Variants in TIAM1 observed in about 807,000 individuals in gnomAD.
TIAM1 encodes the protein TIAM Rac1 associated GEF 1, also known as rho guanine nucleotide exchange factor TIAM1.
Under a neutral mutation model 163.5 loss-of-function variants are expected in TIAM1, and 65 were observed. The observed-to-expected ratio is 0.40, with a 90% CI of 0.33 to 0.49. TIAM1 has a LOEUF of 0.49. TIAM1 is among the 20% of genes least tolerant of loss of function. The pLI, the probability that TIAM1 is intolerant of heterozygous loss-of-function variation, is 0.77. For missense variants in TIAM1, 1,789 were observed against 2,044.7 expected (o/e 0.87, Z 2.41); for synonymous variants, 833 against 810.1 (o/e 1.03, Z -0.48).
Position 31,141,890 on chromosome 21 carries a change from T to C in TIAM1, c.3476-386A>G, listed in dbSNP as rs77794820. Among the ~76,000 whole-genome samples, 16,310 of 152,180 alleles carry C rather than the reference T, an allele frequency of 0.11. 1,011 individuals carry two copies. The highest frequency in any genetic ancestry group is 0.15 in the Non-Finnish European group (10,288 of 67,990). On this transcript the variant is annotated intron_variant, in intron 20 of 27. Coordinates refer to ENST00000541036, the MANE Select transcript of TIAM1 (RefSeq NM_001353694.2). This position sits in a 1 kb window ranked among gnomAD's most constrained non-coding sequence, Gnocchi z 4.7. ...GCCCACGCTGGCCAGTTCCTGGAGATAGTAAAAGACTTGCCAGGAAATGTG... is the reference window on the plus strand; with the variant it reads ...GCCCACGCTGGCCAGTTCCTGGAGACAGTAAAAGACTTGCCAGGAAATGTG...
Position 31,217,570 on chromosome 21 carries a change from G to A in TIAM1, c.2125C>T (p.Arg709Trp), listed in dbSNP as rs114454665. The part of the protein sequence containing the change: ...LDTTSKKKQG[R>W]PSINQVFGEG... ...GAACCTACCTGATTGATGCTTGGCC[G>A]TCCCTGCTTCTTTTTGGAGGTAGTA... The change falls in exon 9 of 28, where the codon CGG (arginine) becomes TGG (tryptophan). Residue 709 changes from arginine to tryptophan, a missense_variant. By Grantham distance (101) the Arg-to-Trp change is moderately radical (BLOSUM62 -3). Around this residue, in one of 5 missense-constraint regions of TIAM1, gnomAD observed 456 missense variants for 586.6 expected, o/e 0.78. Transcript: ENST00000541036. The A allele has an allele frequency of 2.2e-5, 35 of 1,613,638 alleles. No individual in the cohort carries two copies. Among genetic ancestry groups the A allele is most frequent in the South Asian group, 7.7e-5 (7 of 90,946 alleles).
Position 31,182,622 on chromosome 21 carries a change from G to C in TIAM1, c.2686C>G (p.Leu896Val). The C allele has an allele frequency of 1.9e-6, 3 of 1,611,358 alleles. No homozygotes were observed. The highest frequency in any genetic ancestry group is 2.5e-6 in the Non-Finnish European group (3 of 1,179,206). The change falls in exon 15 of 28, where the codon CTT becomes GTT. Residue 896 changes from leucine (L) to valine (V), a missense_variant. Coordinates refer to ENST00000541036, the MANE Select transcript of TIAM1 (RefSeq NM_001353694.2). ...TCAGCAGCACGATTATTGATCTCAA[G>C]AATCTCATCTCCTGCTTTCAGGCCT... is the stretch of plus-strand genomic sequence containing the variant. The part of the protein sequence containing the change: ...KKGLKAGDEI[L>V]EINNRAADAL...
At chr21:31,185,497 G>A (rs1601460870) in intron 14 of TIAM1, among the ~76,000 whole-genome samples, 2 of 139,518 alleles carry the variant, frequency 1.4e-5, no homozygotes, top group South Asian at 4.4e-4. Context: ...TATATTATAT[G>A]CTTATATATT....
chr21:31,448,464 G>A (rs1270728655), intron 2 of TIAM1, among the ~76,000 whole-genome samples: 2 of 152,078 alleles, frequency 1.3e-5, no homozygotes, highest in Non-Finnish European at 2.9e-5. Flanking sequence ...GAATTAGCTA[G>A]GCGTGGTAAT....
upstream of TIAM1, among the ~76,000 whole-genome samples, chr21:31,348,861 A>T (rs1165091238): frequency 6.6e-6 from 1 of 152,250 alleles, no homozygotes; most frequent in African/African-American, 2.4e-5. Context: ...ACAACTTCAA[A>T]GTAAACCTTA....
chr21:31,542,196 C>A (rs1319601889), intron 1 of TIAM1, among the ~76,000 whole-genome samples: 1 of 151,560 alleles, frequency 6.6e-6, no homozygotes, highest in Non-Finnish European at 1.5e-5. Context: ...GAGGCCGAGG[C>A]GGGAGGATGA....
intron 2 of TIAM1, among the ~76,000 whole-genome samples, chr21:31,378,271 T>G (rs2076722830): frequency 6.6e-6 from 1 of 151,818 alleles, no homozygotes; most frequent in Non-Finnish European, 1.5e-5. Flanking sequence ...AATCCCTAGA[T>G]AGGTAACATT....
chr21:31,249,810 G>A (rs73353360), intron 5 of TIAM1, among the ~76,000 whole-genome samples: 4,910 of 152,140 alleles, frequency 0.032, 292 homozygotes, highest in African/African-American at 0.11. Flanking sequence ...GCTTCCACAC[G>A]ATGCACATCT....
chr21:31,506,876 C>T (rs2047046246), intron 1 of TIAM1, among the ~76,000 whole-genome samples: 1 of 152,190 alleles, frequency 6.6e-6, no homozygotes, highest in South Asian at 2.1e-4. Context: ...GAGATCGTGC[C>T]ACTATACTCC....
At chr21:31,137,496 T>G (rs893778840) in intron 22 of TIAM1, among the ~76,000 whole-genome samples, 1 of 151,976 alleles carries the variant, frequency 6.6e-6, no homozygotes, top group African/African-American at 2.4e-5. Context: ...AAGACCCACA[T>G]AGAAGAGGAG....
At chr21:31,438,965 T>C (rs1397125288) in intron 2 of TIAM1, among the ~76,000 whole-genome samples, 5 of 152,256 alleles carry the variant, frequency 3.3e-5, no homozygotes, top group African/African-American at 1.2e-4. Context: ...CATTTACTTA[T>C]TTGATAATAA....
chr21:31,231,741 C>T (rs547484862), intron 6 of TIAM1, among the ~76,000 whole-genome samples: 2 of 152,124 alleles, frequency 1.3e-5, no homozygotes, highest in South Asian at 2.1e-4. Context: ...ATGGGCCAGG[C>T]GGAATGGTTC....
intron 26 of TIAM1, 74 bp downstream of exon 26, chr21:31,126,991 A>C (rs1384948583): frequency 7.1e-5 from 102 of 1,445,340 alleles, no homozygotes; most frequent in Non-Finnish European, 9.0e-5. Context: ...ACACCAGAAC[A>C]CAACGTAAGA....
intron 1 of TIAM1, among the ~76,000 whole-genome samples, chr21:31,533,798 G>C (rs2048042606): frequency 6.6e-6 from 1 of 152,170 alleles, no homozygotes; most frequent in Non-Finnish European, 1.5e-5. Flanking sequence ...CTGTGTCTTT[G>C]AAATCTGGTT....
Position 31,251,920 on chromosome 21 carries a change from C to G in TIAM1, c.1233G>C (p.Glu411Asp). 6.2e-7 allele frequency: 1 copy of G among 1,613,836 alleles called. No individual in the cohort carries two copies. The highest frequency in any genetic ancestry group is 1.7e-5 in the Admixed American group (1 of 60,008). ...LEEAGSAHSD[E>D]QSSGTLSSPG... ...GAGAGCTCAGGGTGCCGCTGCTCTG[C>G]TCATCGCTGTGCGCCGAGCCGGCCT... The change falls in exon 5 of 28, where the codon GAG (glutamate) becomes GAC (aspartate). Residue 411 changes from glutamate to aspartate, a missense_variant. Glu to Asp is a conservative substitution (Grantham distance 45, BLOSUM62 2). Coordinates refer to ENST00000541036, the MANE Select transcript of TIAM1 (RefSeq NM_001353694.2).
intron 2 of TIAM1, among the ~76,000 whole-genome samples, chr21:31,318,521 T>C (rs2075203102): frequency 6.6e-6 from 1 of 152,348 alleles, no homozygotes; most frequent in East Asian, 1.9e-4. Flanking sequence ...AACAATTTGG[T>C]AGTTAGTCAA....
intron 1 of TIAM1, among the ~76,000 whole-genome samples, chr21:31,496,111 G>A (rs2147433784): frequency 6.6e-6 from 1 of 152,226 alleles, no homozygotes; most frequent in African/African-American, 2.4e-5. Flanking sequence ...CCGTATCTTG[G>A]TTTTTAACTA....
At chr21:31,323,437 G>A (rs1181755222) in intron 2 of TIAM1, among the ~76,000 whole-genome samples, 1 of 152,202 alleles carries the variant, frequency 6.6e-6, no homozygotes, top group African/African-American at 2.4e-5. Context: ...GCCAGGCGCA[G>A]TGGCTCATGC....
chr21:31,366,022 G>A (rs974385785), intron 2 of TIAM1, among the ~76,000 whole-genome samples: 4 of 148,366 alleles, frequency 2.7e-5, no homozygotes, highest in Non-Finnish European at 5.9e-5. Context: ...GGGAGGTGGA[G>A]GTTGCAGTGA....
Sources: allele counts gnomAD v4.1 joint callset (sites outside exome capture counted in the v4.1 genomes callset), GRCh38; gene constraint gnomAD v4.1.1; regional missense constraint gnomAD v4.1.1; non-coding constraint Gnocchi (gnomAD v3.1); transcripts MANE v1.5; gene names NCBI Gene and HGNC (gene_info 2026-07-23, HGNC 2026-07-21).